The following TPRG1 variants were observed in gnomAD, a reference collection of about 807,000 sequenced individuals.
The protein encoded by TPRG1 is tumor protein p63-regulated gene 1 protein.
A neutral mutation model predicts 29.3 loss-of-function variants in TPRG1; 29 were observed. That is an observed-to-expected ratio of 0.99 (90% CI 0.74 to 1.35). The LOEUF is 1.35. Ranked by LOEUF, TPRG1 falls within the 40% of genes most tolerant of loss-of-function variation. The pLI is 0.00. For missense variants in TPRG1, 327 were observed against 335.0 expected, an observed-to-expected ratio of 0.98 and a Z score of 0.19; for synonymous variants, 130 against 116.8, an observed-to-expected ratio of 1.11 and a Z score of -0.73.
intron 3 of TPRG1, among the ~76,000 whole-genome samples, chr3:189,228,430 C>T (rs1738127547): frequency 1.3e-5 from 2 of 151,696 alleles, no homozygotes; most frequent in South Asian, 4.2e-4. Context: ...ACATCATAAC[C>T]CAAAGTGGGT....
chr3:189,113,172 CTGTT>C (rs1396529278), intron 1 of TPRG1, among the ~76,000 whole-genome samples: 10 of 152,106 alleles, frequency 6.6e-5, no homozygotes, highest in South Asian at 2.1e-4. Flanking sequence ...ATTTGGCTCT[CTGTT>C]TGTCTGTTAT....
chr3:189,097,840 T>A (rs758259207), upstream of TPRG1, among the ~76,000 whole-genome samples: 20 of 152,196 alleles, frequency 1.3e-4, no homozygotes, highest in Non-Finnish European at 2.4e-4. Context: ...TCTGAAAGGA[T>A]CTCAGAAACC....
intron 4 of TPRG1, among the ~76,000 whole-genome samples, chr3:189,092,841 T>C (rs1442061031): frequency 6.6e-6 from 1 of 152,180 alleles, no homozygotes; most frequent in African/African-American, 2.4e-5. Flanking sequence ...TGCAAGGCCC[T>C]GTTCTAAGTG....
intron 5 of TPRG1, among the ~76,000 whole-genome samples, chr3:189,154,641 C>T (rs1400756470): frequency 1.3e-5 from 2 of 152,034 alleles, no homozygotes; most frequent in African/African-American, 4.8e-5. Context: ...TGGGGTTTCA[C>T]TATGTTGGCC....
chr3:189,181,330 T>C (rs773101780), intron 1 of TPRG1, among the ~76,000 whole-genome samples: 4 of 152,212 alleles, frequency 2.6e-5, no homozygotes, highest in Admixed American at 6.5e-5. Flanking sequence ...GGATTTTCTT[T>C]TCTATCTCAG....
chr3:189,197,779 C>T (rs1024751492), intron 1 of TPRG1, among the ~76,000 whole-genome samples: 2 of 152,032 alleles, frequency 1.3e-5, no homozygotes, highest in African/African-American at 2.4e-5. Flanking sequence ...TAACCAAAAC[C>T]AAACACATAA....
chr3:189,248,450 T>A (rs1341061691), intron 4 of TPRG1, among the ~76,000 whole-genome samples: 1 of 151,682 alleles, frequency 6.6e-6, no homozygotes, highest in Non-Finnish European at 1.5e-5. Context: ...TTCTTTTTTT[T>A]CTCATTCATT....
intron 4 of TPRG1, among the ~76,000 whole-genome samples, chr3:189,085,404 AT>A (rs780555195): frequency 2.2e-4 from 34 of 151,726 alleles, no homozygotes; most frequent in Admixed American, 7.2e-4. Context: ...GTGGATACAC[AT>A]TTTCATTAAT....
intron 1 of TPRG1, among the ~76,000 whole-genome samples, chr3:189,178,988 G>A (rs765210752): frequency 3.2e-4 from 48 of 152,204 alleles, no homozygotes; most frequent in Non-Finnish European, 6.2e-4. Context: ...CTCCCAAGTA[G>A]TGTCAACATA....
chr3:189,215,625 G>C (rs1735952231), intron 3 of TPRG1, among the ~76,000 whole-genome samples: 1 of 152,036 alleles, frequency 6.6e-6, no homozygotes, highest in Non-Finnish European at 1.5e-5. Flanking sequence ...TCTACCTTAG[G>C]TCAGGCCTGT....
In TPRG1 at chr3:189,258,774, C is replaced by T. The variant is rs573264108; in HGVS notation, c.479+19865C>T. On this transcript the variant is annotated intron_variant, in intron 4 of 5. Coordinates refer to ENST00000345063, the MANE Select transcript of TPRG1 (RefSeq NM_198485.4). ...GCGCTGCAGTGGGCTCCATCCAGTC[C>T]GAACTTCCCAGTGGCTTTGTTTACA... 9.2e-5 allele frequency among the ~76,000 whole-genome samples: 14 copies of T among 152,256 alleles called. 1 individual carries two copies. Among genetic ancestry groups the T allele is most frequent in the Middle Eastern group, 3.4e-3 (1 of 294 alleles).
intron 4 of TPRG1, among the ~76,000 whole-genome samples, chr3:189,068,743 T>C (rs992974982): frequency 6.6e-6 from 1 of 151,666 alleles, no homozygotes; most frequent in Middle Eastern, 3.4e-3. Flanking sequence ...GCCACTGCAC[T>C]CCAGCCCGGA....
At chr3:189,248,148 T>C (rs1741631246) in intron 4 of TPRG1, among the ~76,000 whole-genome samples, 1 of 151,900 alleles carries the variant, frequency 6.6e-6, no homozygotes, top group Non-Finnish European at 1.5e-5. Context: ...TAAAGGAAGA[T>C]AAACACTACA....
chr3:189,211,858 C>A (rs2108823794), intron 2 of TPRG1: 2 of 152,086 alleles, frequency 1.3e-5, no homozygotes, highest in Middle Eastern at 6.8e-3. Context: ...AACAAAGATC[C>A]AAACTACTTG....
intron 4 of TPRG1, among the ~76,000 whole-genome samples, chr3:189,292,097 A>C (rs7647439): frequency 0.028 from 4,291 of 152,282 alleles, 188 homozygotes; most frequent in African/African-American, 0.098. Context: ...ACAATTTGAA[A>C]ACATCTTCTG....
At chr3:189,155,587 G>T (rs536017539) in intron 5 of TPRG1, among the ~76,000 whole-genome samples, 1 of 152,222 alleles carries the variant, frequency 6.6e-6, no homozygotes, top group East Asian at 1.9e-4. Context: ...AAGGGTCAAG[G>T]ATATGGATAC....
At chr3:189,193,615 CTT>C (rs3065369) in intron 1 of TPRG1, among the ~76,000 whole-genome samples, 53,747 of 148,096 alleles carry the variant, frequency 0.36, 9,741 homozygotes, top group South Asian at 0.53. Context: ...ATTCTTAGTT[CTT>C]TTTTTTTTTC....
intron 4 of TPRG1, among the ~76,000 whole-genome samples, chr3:189,255,012 A>G (rs754910708): frequency 1.3e-5 from 2 of 152,062 alleles, no homozygotes; most frequent in African/African-American, 4.8e-5. Context: ...AATACCCTTT[A>G]TTTATTTCTC....
chr3:189,158,939 TTTTTG>T (rs1727075348), intron 5 of TPRG1, among the ~76,000 whole-genome samples: 4 of 150,256 alleles, frequency 2.7e-5, no homozygotes, highest in African/African-American at 9.9e-5. Flanking sequence ...TTTTTTTTTG[TTTTTG>T]TTTTTTTTGG....
Sources: allele counts gnomAD v4.1 joint callset (sites outside exome capture counted in the v4.1 genomes callset), GRCh38; gene constraint gnomAD v4.1.1; transcripts MANE v1.5; gene names NCBI Gene and HGNC (gene_info 2026-07-23, HGNC 2026-07-21).